The following MROH9 variants were observed in gnomAD, a reference collection of about 807,000 sequenced individuals.
MROH9 encodes the protein maestro heat-like repeat-containing protein family member 9.
MROH9 carries 92 observed loss-of-function variants against 98.2 expected under a neutral mutation model. The ratio of observed to expected loss-of-function variants is 0.94; its 90% CI spans 0.79 to 1.11. MROH9 has a LOEUF of 1.11. Ranked by LOEUF, MROH9 falls within the 50% of genes most tolerant of loss-of-function variation. The pLI is 0.00. For missense variants in MROH9, 1,057 were observed against 1,014.8 expected (o/e 1.04, Z -0.57); for synonymous variants, 397 against 368.9 (o/e 1.08, Z -0.87).
At chr1:170,991,746 TA>T (rs1651364974) in intron 11 of MROH9, among the ~76,000 whole-genome samples, 4 of 152,288 alleles carry the variant, frequency 2.6e-5, no homozygotes, top group African/African-American at 9.6e-5. Context: ...TAGGATTTTT[TA>T]ATTTTTATAT....
At chr1:171,018,956 A>G (rs1652420934) in intron 17 of MROH9, among the ~76,000 whole-genome samples, 1 of 152,226 alleles carries the variant, frequency 6.6e-6, no homozygotes, top group Non-Finnish European at 1.5e-5. Flanking sequence ...TCAGCTATGG[A>G]TCAAGTGGAC....
At chr1:171,050,263 G>T (rs990523477) in intron 20 of MROH9, among the ~76,000 whole-genome samples, 2 of 152,018 alleles carry the variant, frequency 1.3e-5, no homozygotes, top group Non-Finnish European at 2.9e-5. Context: ...ATGGTTTTGG[G>T]TCTTATTTAA....
At chr1:171,012,050 T>A (rs1414058417) in intron 15 of MROH9, among the ~76,000 whole-genome samples, 6 of 152,036 alleles carry the variant, frequency 3.9e-5, no homozygotes, top group Non-Finnish European at 1.5e-5. Flanking sequence ...AATTATGCAT[T>A]TACTTCCAAC....
chr1:170,942,368 G>GACACACAC (rs10529238), intron 1 of MROH9, among the ~76,000 whole-genome samples: 14 of 144,952 alleles, frequency 9.7e-5, no homozygotes, highest in Non-Finnish European at 1.7e-4. Context: ...ATGTAGAGTA[G>GACACACAC]ACACACACAC....
intron 6 of MROH9, among the ~76,000 whole-genome samples, chr1:170,964,936 TAATAA>T (rs987534771): frequency 6.6e-6 from 1 of 151,938 alleles, no homozygotes; most frequent in Non-Finnish European, 1.5e-5. Flanking sequence ...TTTTTGAATA[TAATAA>T]AATAAAATAA....
chr1:171,048,661 A>G (rs961779501), intron 20 of MROH9, among the ~76,000 whole-genome samples: 11 of 152,086 alleles, frequency 7.2e-5, no homozygotes, highest in Non-Finnish European at 1.5e-4. Flanking sequence ...GCTGGGATCT[A>G]AGGTGCAAGA....
At chr1:170,939,321 G>A (rs1649025013) in intron 1 of MROH9, among the ~76,000 whole-genome samples, 4 of 152,192 alleles carry the variant, frequency 2.6e-5, no homozygotes, top group South Asian at 2.1e-4. Context: ...TTCAGTGCTC[G>A]AAGTTCTGCC....
At chr1:170,986,103 G>C (rs542012971) in intron 9 of MROH9, among the ~76,000 whole-genome samples, 1 of 152,204 alleles carries the variant, frequency 6.6e-6, no homozygotes, top group East Asian at 1.9e-4. Context: ...TGTAGTTCTT[G>C]CACCTTGATC....
At chr1:171,029,849 G>A (rs1368137296) in intron 20 of MROH9, among the ~76,000 whole-genome samples, 1 of 152,066 alleles carries the variant, frequency 6.6e-6, no homozygotes, top group Admixed American at 6.6e-5. Flanking sequence ...TCAATTGTTT[G>A]GAATACTTTC....
At chr1:170,980,955 C>A (rs185932438) in intron 8 of MROH9, among the ~76,000 whole-genome samples, 2 of 152,026 alleles carry the variant, frequency 1.3e-5, no homozygotes, top group African/African-American at 2.4e-5. Flanking sequence ...AAAAAGTGGG[C>A]AAAGGATACA....
chr1:170,947,518 T>G lies in MROH9; in HGVS notation c.26-9T>G. The stretch of plus-strand genomic sequence containing the variant: ...TTCCTTTTTAACGAATCTCCTTCTT[T>G]CTGGCTAGAGAGTAGTCTCCAGATT... On this transcript the variant is annotated splice_polypyrimidine_tract_variant and intron_variant, in intron 2 of 21. Transcript: ENST00000367759. 2 of 1,609,826 alleles carry G rather than the reference T, an allele frequency of 1.2e-6. No homozygotes were observed. Among genetic ancestry groups the G allele is most frequent in the Non-Finnish European group, 1.7e-6 (2 of 1,176,858 alleles).
chr1:170,959,437 AATAATT>A lies in MROH9; in HGVS notation c.153-24_153-19del. 3 of 1,567,900 alleles carry A rather than the reference AATAATT, an allele frequency of 1.9e-6. No individual in the cohort carries two copies. On this transcript the variant is annotated intron_variant, in intron 4 of 21. Transcript: ENST00000367759. ...CTATTATATTTGTTTTCTCATCATT[AATAATT>A]GCTCCTTTTTCTTGTCAGCTTTGTG...
intron 19 of MROH9, 50 bp from the exon 20 acceptor site, chr1:171,025,268 G>A (rs1316781046): frequency 3.4e-6 from 4 of 1,171,650 alleles, no homozygotes; most frequent in South Asian, 2.6e-5. Flanking sequence ...GGGAGCAAAT[G>A]TTCTATTTCA....
At chr1:171,024,821 T>C in intron 19 of MROH9, 56 bp downstream of exon 19, 8 of 1,050,440 alleles carry the variant, frequency 7.6e-6, no homozygotes, top group Non-Finnish European at 1.1e-5. Flanking sequence ...ACTTACAGGA[T>C]ATCCAAAGTG....
chr1:170,987,221 T>C (rs1364792189), intron 10 of MROH9, among the ~76,000 whole-genome samples: 1 of 152,224 alleles, frequency 6.6e-6, no homozygotes, highest in Admixed American at 6.5e-5. Flanking sequence ...TAATGAATGC[T>C]TATCCACCAA....
At chr1:171,036,753 A>G (rs1214372436) in intron 20 of MROH9, among the ~76,000 whole-genome samples, 1 of 151,536 alleles carries the variant, frequency 6.6e-6, no homozygotes, top group African/African-American at 2.4e-5. Flanking sequence ...AATAAACGCT[A>G]TCTTTACACT....
At chr1:171,007,935 C>A (rs1652019508) in intron 15 of MROH9, among the ~76,000 whole-genome samples, 1 of 152,162 alleles carries the variant, frequency 6.6e-6, no homozygotes, top group Admixed American at 6.5e-5. Context: ...TTGATCTGCA[C>A]TCTCAAAATA....
chr1:171,046,009 T>A (rs769728402), intron 20 of MROH9, among the ~76,000 whole-genome samples: 2 of 152,186 alleles, frequency 1.3e-5, no homozygotes, highest in Admixed American at 6.5e-5. Flanking sequence ...AATTGTTATA[T>A]CTTCTTGCTG....
chr1:171,039,052 C>A (rs1653203886), intron 20 of MROH9, among the ~76,000 whole-genome samples: 1 of 152,148 alleles, frequency 6.6e-6, no homozygotes, highest in South Asian at 2.1e-4. Context: ...TCACCACACT[C>A]CCCACCACCA....
Sources: allele counts gnomAD v4.1 joint callset (sites outside exome capture counted in the v4.1 genomes callset), GRCh38; gene constraint gnomAD v4.1.1; transcripts MANE v1.5; gene names NCBI Gene and HGNC (gene_info 2026-07-23, HGNC 2026-07-21).